Variants in WDR27 observed in about 807,000 individuals in gnomAD.
WDR27 encodes WD repeat-containing protein 27.
Under a neutral mutation model 114.4 loss-of-function variants are expected in WDR27, and 100 were observed. The ratio of observed to expected loss-of-function variants is 0.87; its 90% CI spans 0.74 to 1.03. The LOEUF is 1.03. WDR27 is among the 50% of genes least tolerant of loss of function. WDR27 has a pLI of 0.00. For missense variants in WDR27, 1,129 were observed against 1,092.9 expected, an observed-to-expected ratio of 1.03 and a Z score of -0.47; for synonymous variants, 449 against 423.1, an observed-to-expected ratio of 1.06 and a Z score of -0.75.
chr6:169,633,096 C>A, intron 20 of WDR27, 28 bp from the exon 21 acceptor site: 1 of 1,568,252 alleles, frequency 6.4e-7, no homozygotes, highest in Non-Finnish European at 8.7e-7. Context: ...GGGAGCTCTT[C>A]TCAACACTCT....
At chr6:169,547,770 C>T (rs918035619) in intron 25 of WDR27, among the ~76,000 whole-genome samples, 2 of 152,080 alleles carry the variant, frequency 1.3e-5, no homozygotes, top group African/African-American at 4.8e-5. Context: ...CCTTTCACTG[C>T]TGCTTTTCAA....
At chr6:169,645,881 C>T (rs1820615017) in intron 16 of WDR27, among the ~76,000 whole-genome samples, 1 of 151,618 alleles carries the variant, frequency 6.6e-6, no homozygotes, top group Non-Finnish European at 1.5e-5. Flanking sequence ...TCACAGAAGT[C>T]ACACTGTAGA....
chr6:169,626,019 A>C, intron 21 of WDR27, among the ~76,000 whole-genome samples: 1 of 152,196 alleles, frequency 6.6e-6, no homozygotes, highest in East Asian at 1.9e-4. Flanking sequence ...CTGACAGGGT[A>C]AGAACGAGAA....
At chr6:169,597,874 T>TCACACACA (rs1427378371) in intron 23 of WDR27, among the ~76,000 whole-genome samples, 2 of 82,356 alleles carry the variant, frequency 2.4e-5, no homozygotes, top group East Asian at 1.0e-3. Context: ...CTCTTACCAT[T>TCACACACA]CATACACACA....
intron 4 of WDR27, chr6:169,668,821 A>G (rs1828602467): frequency 6.6e-6 from 1 of 152,372 alleles, no homozygotes; most frequent in Admixed American, 6.5e-5. Flanking sequence ...GAAAAAATAA[A>G]CATGTATATA....
At chr6:169,667,388 C>T (rs934248125) in intron 5 of WDR27, 16 of 1,228,534 alleles carry the variant, frequency 1.3e-5, no homozygotes, top group South Asian at 7.5e-5. Flanking sequence ...AAAATAACAT[C>T]ACTTCCATAA....
intron 1 of WDR27, among the ~76,000 whole-genome samples, chr6:169,696,564 C>T (rs1008639428): frequency 6.6e-6 from 1 of 152,196 alleles, no homozygotes; most frequent in Non-Finnish European, 1.5e-5. Flanking sequence ...GAAAGACAAT[C>T]CGAAGACCTG....
chr6:169,467,420 C>T (rs1377710329), intron 25 of WDR27, among the ~76,000 whole-genome samples: 1 of 152,212 alleles, frequency 6.6e-6, no homozygotes, highest in East Asian at 1.9e-4. Flanking sequence ...CTGCAGCAAA[C>T]TTCTGCCTGG....
At chr6:169,641,385 C>A (rs112290104) in intron 17 of WDR27, among the ~76,000 whole-genome samples, 4,342 of 152,296 alleles carry the variant, frequency 0.029, 151 homozygotes, top group African/African-American at 0.085. Flanking sequence ...CTCTTCCTCT[C>A]TCTCCCCACG....
At chr6:169,652,728 T>A (rs1430650377) in intron 13 of WDR27, among the ~76,000 whole-genome samples, 1 of 152,238 alleles carries the variant, frequency 6.6e-6, no homozygotes, top group Admixed American at 6.5e-5. Context: ...ACCCAAAACA[T>A]CAACATGTTA....
At position 169,684,704 on chromosome 6, in the gene WDR27, T is replaced by C. The variant is rs920326748; in HGVS notation, c.189+4113A>G. ...TATGCTCTCAGACAAATCCAGCAGC[T>C]GTGTGCCCACTTACAAAGCCTGAGA... On this transcript the variant is annotated intron_variant, in intron 2 of 25. Transcript: ENST00000448612. This position sits in a 1 kb window ranked among gnomAD's most constrained non-coding sequence, Gnocchi z 4.3. 1.3e-5 allele frequency among the ~76,000 whole-genome samples: 2 copies of C among 152,206 alleles called. No homozygotes were observed. The highest frequency in any genetic ancestry group is 1.3e-4 in the Admixed American group (2 of 15,290).
At chr6:169,586,809 A>G (rs1372887210) in intron 23 of WDR27, among the ~76,000 whole-genome samples, 1 of 132,266 alleles carries the variant, frequency 7.6e-6, no homozygotes, top group East Asian at 2.3e-4. Context: ...AGATTGCACT[A>G]CTGCACTCCA....
the WDR27 span, among the ~76,000 whole-genome samples, chr6:169,448,683 G>A: frequency 6.6e-6 from 1 of 152,096 alleles, no homozygotes; most frequent in Non-Finnish European, 1.5e-5. Context: ...CCCATTCACC[G>A]ACCTGCACGT....
intron 4 of WDR27, 118 bp from the exon 5 acceptor site, chr6:169,668,303 T>C: frequency 2.0e-6 from 2 of 1,000,166 alleles, no homozygotes; most frequent in Non-Finnish European, 3.0e-6. Context: ...AGGCACAGTC[T>C]CAGCAGTGTT....
At chr6:169,556,618 C>T (rs1413299651) in intron 25 of WDR27, among the ~76,000 whole-genome samples, 1 of 152,140 alleles carries the variant, frequency 6.6e-6, no homozygotes, top group Non-Finnish European at 1.5e-5. Context: ...TAATTAAAAA[C>T]TAGATTTCAT....
intron 22 of WDR27, among the ~76,000 whole-genome samples, chr6:169,613,043 T>A (rs1295209708): frequency 1.3e-5 from 2 of 152,266 alleles, no homozygotes; most frequent in Non-Finnish European, 2.9e-5. Context: ...CTAACTTTTA[T>A]AAAATGTATT....
intron 25 of WDR27, among the ~76,000 whole-genome samples, chr6:169,549,980 C>T (rs768952621): frequency 6.6e-6 from 1 of 152,028 alleles, no homozygotes; most frequent in Non-Finnish European, 1.5e-5. Context: ...CCTGTCAGAA[C>T]CCATAGAAGG....
At chr6:169,486,119 A>G (rs1176220800) in intron 25 of WDR27, among the ~76,000 whole-genome samples, 1 of 152,146 alleles carries the variant, frequency 6.6e-6, no homozygotes, top group African/African-American at 2.4e-5. Flanking sequence ...TACCTATATA[A>G]TAAATCTGCA....
chr6:169,520,900 AGAT>A (rs1369357029), intron 25 of WDR27, among the ~76,000 whole-genome samples: 1 of 152,176 alleles, frequency 6.6e-6, no homozygotes, highest in Non-Finnish European at 1.5e-5. Flanking sequence ...CTACCTCAAA[AGAT>A]AAAATCTAAG....
Sources: gnomAD v4.1 joint callset for allele counts (sites outside exome capture counted in the v4.1 genomes callset) on GRCh38, gnomAD v4.1.1 for gene constraint, Gnocchi (gnomAD v3.1) non-coding constraint, MANE v1.5 for transcripts, NCBI Gene and HGNC (gene_info 2026-07-23, HGNC 2026-07-21) for gene names.